The following AMN1 variants were observed in gnomAD, a reference collection of about 807,000 sequenced individuals.
The protein encoded by AMN1 is antagonist of mitotic exit network 1 homolog.
A neutral mutation model predicts 33.0 loss-of-function variants in AMN1; 20 were observed. That is an observed-to-expected ratio of 0.61 (90% CI 0.43 to 0.88). The LOEUF is 0.88. Among genes scored for constraint, AMN1 ranks in the 40% least tolerant of loss-of-function variants. The pLI is 0.00. For missense variants in AMN1, 246 were observed against 307.4 expected, an observed-to-expected ratio of 0.80 and a Z score of 1.49; for synonymous variants, 114 against 111.9, an observed-to-expected ratio of 1.02 and a Z score of -0.12.
intron 1 of AMN1, among the ~76,000 whole-genome samples, chr12:31,727,768 G>A (rs1388096435): frequency 1.3e-5 from 2 of 151,422 alleles, no homozygotes; most frequent in African/African-American, 2.4e-5. Context: ...TCGCTCTGTC[G>A]CCTAGCAGCC....
chr12:31,708,982 A>C lies in AMN1; in HGVS notation c.171+311T>G, dbSNP rs553487461. ...CACTTGAGCTCCGGAGTTCGAGACC[A>C]GCCTGGGCAACATGGTGAAACCCTG... On this transcript the variant is annotated intron_variant, in intron 2 of 6. Transcript: ENST00000281471. 13 of 416,772 alleles carry C rather than the reference A, an allele frequency of 3.1e-5. No homozygotes were observed. The East Asian group carries it at 9.0e-4, about 29-fold the overall frequency. 25.8% of individuals were successfully genotyped at this position (416,772 alleles called of 1,614,324 possible). A position where few individuals can be genotyped will look rare whatever the true frequency, so the allele number is the denominator to read the frequency against.
At chr12:31,696,170 G>A (rs1041067967) in intron 5 of AMN1, among the ~76,000 whole-genome samples, 5 of 152,188 alleles carry the variant, frequency 3.3e-5, no homozygotes, top group African/African-American at 1.2e-4. Flanking sequence ...TTGGGACATG[G>A]AAGTTGCAGT....
At chr12:31,702,550 G>A (rs1432308666) in intron 2 of AMN1, among the ~76,000 whole-genome samples, 1 of 148,856 alleles carries the variant, frequency 6.7e-6, no homozygotes, top group Admixed American at 6.6e-5. Flanking sequence ...GCTCTTTCCT[G>A]TATTTTTCTG....
At chr12:31,675,033 A>G (rs1375840506) in intron 6 of AMN1, among the ~76,000 whole-genome samples, 1 of 151,758 alleles carries the variant, frequency 6.6e-6, no homozygotes, top group African/African-American at 2.4e-5. Context: ...AAAAAAAAAA[A>G]AAAGAAACAC....
chr12:31,677,227 G>A (rs892611102), intron 6 of AMN1, among the ~76,000 whole-genome samples: 3 of 152,172 alleles, frequency 2.0e-5, no homozygotes, highest in Non-Finnish European at 4.4e-5. Flanking sequence ...GTGAACCTGG[G>A]AGGCGGAGCT....
chr12:31,678,901 GA>G (rs1937865515), intron 6 of AMN1, among the ~76,000 whole-genome samples: 1 of 152,090 alleles, frequency 6.6e-6, no homozygotes, highest in Non-Finnish European at 1.5e-5. Context: ...GAATAATGAG[GA>G]AACAGAATAA....
In AMN1 at chr12:31,687,336, C is replaced by A. The variant is rs1031195634; in HGVS notation, c.703+1671G>T. Among the ~76,000 whole-genome samples the A allele has an allele frequency of 1.3e-5, 2 of 152,122 alleles. No homozygotes were observed. Among genetic ancestry groups the A allele is most frequent in the African/African-American group, 2.4e-5 (1 of 41,430 alleles). ...AAAGAGAAGTTGTCAAAGGGACTTC[C>A]TAAAAATAAAAGAGAAGTTGTCAAA... is the stretch of plus-strand genomic sequence containing the variant. On this transcript the variant is annotated intron_variant, in intron 6 of 6. Transcript: ENST00000281471. This position sits in a 1 kb window ranked among gnomAD's most constrained non-coding sequence, Gnocchi z 4.1.
Position 31,717,085 on chromosome 12 carries a change from G to A in AMN1, c.39-7660C>T, listed in dbSNP as rs552480467. 1.0e-3 allele frequency among the ~76,000 whole-genome samples: 151 copies of A among 151,400 alleles called. 3 individuals are homozygous for A. The highest frequency in any genetic ancestry group is 5.3e-3 in the Admixed American group (80 of 15,176). Reference sequence around the variant, plus strand: ...TAAGCCCCACATGCATTGTCTATTTGTCCTGATGCTATCCTTTCCCTTGCT... The same window carrying A: ...TAAGCCCCACATGCATTGTCTATTTATCCTGATGCTATCCTTTCCCTTGCT... On this transcript the variant is annotated intron_variant, in intron 1 of 6. Coordinates refer to ENST00000281471, the MANE Select transcript of AMN1 (RefSeq NM_001113402.2).
intron 6 of AMN1, among the ~76,000 whole-genome samples, chr12:31,685,807 A>AAAAAAG (rs561225051): frequency 4.1e-5 from 6 of 146,340 alleles, no homozygotes; most frequent in Non-Finnish European, 7.4e-5. Flanking sequence ...TATCAAAAAA[A>AAAAAAG]AAAGAAAGAA....
At chr12:31,697,033 A>C (rs1938758825) in intron 5 of AMN1, among the ~76,000 whole-genome samples, 1 of 152,180 alleles carries the variant, frequency 6.6e-6, no homozygotes, top group South Asian at 2.1e-4. Context: ...TTAAGACCTG[A>C]AATCCTATTA....
chr12:31,698,078 C>G (rs1284718696), intron 3 of AMN1, 121 bp from the exon 4 acceptor site: 1 of 858,122 alleles, frequency 1.2e-6, no homozygotes, highest in African/African-American at 1.7e-5. Flanking sequence ...CAAAGTAGTC[C>G]ACCTGTGAGG....
chr12:31,706,121 G>GCCAA (rs750275599), intron 2 of AMN1, among the ~76,000 whole-genome samples: 4 of 151,888 alleles, frequency 2.6e-5, no homozygotes, highest in African/African-American at 4.8e-5. Flanking sequence ...GACCATCCTG[G>GCCAA]CTAACATGGT....
chr12:31,700,448 T>C lies in AMN1; in HGVS notation c.316+1415A>G, dbSNP rs538460640. On this transcript the variant is annotated intron_variant, in intron 3 of 6. Transcript: ENST00000281471. The stretch of plus-strand genomic sequence containing the variant: ...GAGAGGAAAAAAGGTAAAGATTCAC[T>C]AACTCATGTAATAGTGACACTGAAC... Among the ~76,000 whole-genome samples, 29 of 152,238 alleles carry C rather than the reference T, an allele frequency of 1.9e-4. No individual in the cohort carries two copies. The East Asian group carries it at 5.4e-3, about 28-fold the overall frequency.
At chr12:31,707,853 G>A (rs1056892011) in intron 2 of AMN1, among the ~76,000 whole-genome samples, 1 of 152,184 alleles carries the variant, frequency 6.6e-6, no homozygotes, top group African/African-American at 2.4e-5. Flanking sequence ...ACCAGCTGGA[G>A]CCATGGCAGA....
intron 6 of AMN1, among the ~76,000 whole-genome samples, chr12:31,675,566 G>T (rs970056878): frequency 6.6e-6 from 1 of 150,874 alleles, no homozygotes; most frequent in African/African-American, 2.5e-5. Context: ...TGTGATCTTG[G>T]CTCACTGCAA....
chr12:31,721,174 G>A (rs868084652), intron 1 of AMN1, among the ~76,000 whole-genome samples: 30 of 152,352 alleles, frequency 2.0e-4, no homozygotes, highest in Middle Eastern at 3.4e-3. Context: ...TGGTGAGGAT[G>A]ATGGGGTGCT....
At chr12:31,677,272 C>G (rs1937769020) in intron 6 of AMN1, among the ~76,000 whole-genome samples, 1 of 152,136 alleles carries the variant, frequency 6.6e-6, no homozygotes, top group Non-Finnish European at 1.5e-5. Flanking sequence ...TGCACTCCAG[C>G]CTGGGTGACT....
intron 6 of AMN1, among the ~76,000 whole-genome samples, chr12:31,676,625 A>T (rs971321730): frequency 2.6e-5 from 4 of 151,298 alleles, no homozygotes; most frequent in Admixed American, 2.0e-4. Context: ...CCTGGCCAAC[A>T]CTTCCCAATT....
At chr12:31,709,063 A>G in intron 2 of AMN1, 1 of 566,972 alleles carries the variant, frequency 1.8e-6, no homozygotes. Flanking sequence ...CTATAGTCCC[A>G]ACTACTCAGG....
Sources: gnomAD v4.1 joint callset for allele counts (sites outside exome capture counted in the v4.1 genomes callset) on GRCh38, gnomAD v4.1.1 for gene constraint, Gnocchi (gnomAD v3.1) non-coding constraint, MANE v1.5 for transcripts, NCBI Gene and HGNC (gene_info 2026-07-23, HGNC 2026-07-21) for gene names.